MGAT4C: variants seen among roughly 807,000 people sequenced by gnomAD.
MGAT4C encodes the protein alpha-1,3-mannosyl-glycoprotein 4-beta-N-acetylglucosaminyltransferase C.
A neutral mutation model predicts 40.1 loss-of-function variants in MGAT4C; 19 were observed. The observed-to-expected ratio is 0.47, with a 90% CI of 0.33 to 0.70. The LOEUF is 0.70. MGAT4C is among the 30% of genes least tolerant of loss of function. The pLI is 0.02. For synonymous variants in MGAT4C, 181 were observed against 187.1 expected, an observed-to-expected ratio of 0.97 and a Z score of 0.27; for missense variants, 491 against 563.2, an observed-to-expected ratio of 0.87 and a Z score of 1.30.
intron 2 of MGAT4C, among the ~76,000 whole-genome samples, chr12:86,040,182 G>C (rs527453673): frequency 3.3e-5 from 5 of 152,224 alleles, no homozygotes; most frequent in Admixed American, 6.5e-5. Flanking sequence ...CTACTGGGAA[G>C]AGTCTCCCAG....
At chr12:86,300,808 A>T (rs1038280929) in intron 4 of MGAT4C, among the ~76,000 whole-genome samples, 5 of 152,152 alleles carry the variant, frequency 3.3e-5, no homozygotes, top group African/African-American at 1.2e-4. Flanking sequence ...ACTGCAAAAA[A>T]TAGCAAATCA....
At chr12:86,199,123 A>ACTG (rs1330906944) in intron 1 of MGAT4C, among the ~76,000 whole-genome samples, 4 of 152,044 alleles carry the variant, frequency 2.6e-5, no homozygotes, top group African/African-American at 4.8e-5. Context: ...TGCTACTGCT[A>ACTG]CTGCTGCTGC....
intron 2 of MGAT4C, among the ~76,000 whole-genome samples, chr12:86,019,677 T>C (rs537752616): frequency 2.2e-4 from 33 of 152,134 alleles, no homozygotes; most frequent in African/African-American, 7.9e-4. Context: ...AATGTGGGCT[T>C]TTTTTTGGTT....
intron 2 of MGAT4C, among the ~76,000 whole-genome samples, chr12:86,645,520 C>T (rs1223699236): frequency 6.6e-6 from 1 of 151,676 alleles, no homozygotes; most frequent in Non-Finnish European, 1.5e-5. Context: ...CAATATTTAG[C>T]AAGCAATAAA....
intron 2 of MGAT4C, among the ~76,000 whole-genome samples, chr12:86,436,525 A>G (rs904347320): frequency 1.3e-5 from 2 of 151,720 alleles, no homozygotes; most frequent in Non-Finnish European, 3.0e-5. Flanking sequence ...AAAATTTTCC[A>G]CTAACATTTT....
At chr12:86,548,051 T>C (rs942088825) in intron 2 of MGAT4C, among the ~76,000 whole-genome samples, 1 of 152,178 alleles carries the variant, frequency 6.6e-6, no homozygotes, top group Non-Finnish European at 1.5e-5. Flanking sequence ...CAGATCATGA[T>C]ACATACATAT....
At chr12:86,214,818 T>C (rs147853245) in intron 1 of MGAT4C, among the ~76,000 whole-genome samples, 72 of 152,356 alleles carry the variant, frequency 4.7e-4, no homozygotes, top group African/African-American at 1.7e-3. Flanking sequence ...CACCTCTTTA[T>C]TCTCATTGTC....
intron 1 of MGAT4C, among the ~76,000 whole-genome samples, chr12:86,141,455 TA>T (rs1458571155): frequency 2.0e-5 from 3 of 152,216 alleles, no homozygotes; most frequent in African/African-American, 7.2e-5. Flanking sequence ...TGCTTGATTT[TA>T]AACTGATTAT....
intron 2 of MGAT4C, among the ~76,000 whole-genome samples, chr12:86,510,876 C>A (rs1390146899): frequency 1.3e-5 from 2 of 151,940 alleles, no homozygotes; most frequent in Admixed American, 6.6e-5. Context: ...ACTTAGACTC[C>A]CACACATTAA....
intron 1 of MGAT4C, among the ~76,000 whole-genome samples, chr12:86,074,184 C>T (rs917639965): frequency 1.3e-5 from 2 of 152,030 alleles, no homozygotes; most frequent in Non-Finnish European, 2.9e-5. Context: ...CTTTCACTTC[C>T]CACCATGATT....
intron 1 of MGAT4C, among the ~76,000 whole-genome samples, chr12:86,167,281 A>G (rs1177566578): frequency 2.6e-5 from 4 of 152,214 alleles, no homozygotes. Context: ...AAAATTGTAC[A>G]TTTGTTGAGG....
intron 1 of MGAT4C, among the ~76,000 whole-genome samples, chr12:86,248,970 A>T (rs2136068704): frequency 6.6e-6 from 1 of 152,308 alleles, no homozygotes; most frequent in Non-Finnish European, 1.5e-5. Flanking sequence ...CCACTTGAGA[A>T]AATTTTACAC....
At chr12:86,445,542 G>C (rs1957318573) in intron 2 of MGAT4C, among the ~76,000 whole-genome samples, 1 of 152,098 alleles carries the variant, frequency 6.6e-6, no homozygotes, top group African/African-American at 2.4e-5. Context: ...TCCACTCCTA[G>C]TTTCATATTC....
At chr12:86,390,033 C>A (rs1403271888) in intron 3 of MGAT4C, among the ~76,000 whole-genome samples, 1 of 152,138 alleles carries the variant, frequency 6.6e-6, no homozygotes, top group African/African-American at 2.4e-5. Flanking sequence ...CACTTTTTAA[C>A]AACATTACAT....
At chr12:86,499,468 T>A (rs967174870) in intron 2 of MGAT4C, among the ~76,000 whole-genome samples, 13 of 151,720 alleles carry the variant, frequency 8.6e-5, no homozygotes, top group African/African-American at 2.7e-4. Flanking sequence ...TGGGTCTAAG[T>A]GAGAAAACAA....
intron 2 of MGAT4C, among the ~76,000 whole-genome samples, chr12:86,568,205 A>G (rs947502745): frequency 4.6e-5 from 7 of 152,116 alleles, no homozygotes; most frequent in Admixed American, 2.0e-4. Flanking sequence ...CCCACCCTCA[A>G]TCTGAGTGGG....
chr12:86,084,321 C>T (rs1871352499), intron 1 of MGAT4C, among the ~76,000 whole-genome samples: 1 of 151,808 alleles, frequency 6.6e-6, no homozygotes, highest in Non-Finnish European at 1.5e-5. Flanking sequence ...ATTAATTTTC[C>T]TGCAGTATAT....
At chr12:86,515,320 A>G (rs142604185) in intron 2 of MGAT4C, among the ~76,000 whole-genome samples, 1 of 152,356 alleles carries the variant, frequency 6.6e-6, no homozygotes, top group Non-Finnish European at 1.5e-5. Flanking sequence ...GAAATGAAAA[A>G]TCGAAAAGAA....
At chr12:86,237,754 C>T (rs183895566) in intron 1 of MGAT4C, among the ~76,000 whole-genome samples, 125 of 151,790 alleles carry the variant, frequency 8.2e-4, no homozygotes, top group African/African-American at 2.8e-3. Flanking sequence ...ACATTAGGGA[C>T]GATAGAAAAC....
Sources: gnomAD v4.1 joint callset for allele counts (sites outside exome capture counted in the v4.1 genomes callset) on GRCh38, gnomAD v4.1.1 for gene constraint, MANE v1.5 for transcripts, NCBI Gene and HGNC (gene_info 2026-07-23, HGNC 2026-07-21) for gene names.